ERG: variants seen among roughly 807,000 people sequenced by gnomAD.
ERG encodes ETS transcription factor ERG.
A neutral mutation model predicts 55.3 loss-of-function variants in ERG; 9 were observed. The ratio of observed to expected loss-of-function variants is 0.16; its 90% CI spans 0.10 to 0.28. The LOEUF (loss-of-function observed/expected upper bound fraction) is 0.28, where lower values mean the gene tolerates loss of function less well. Among genes scored for constraint, ERG ranks in the 10% least tolerant of loss-of-function variants. The probability of loss-of-function intolerance (pLI) is 1.00; values close to 1 mark genes in which losing one functional copy is unlikely to be tolerated. For synonymous variants in ERG, 223 were observed against 237.3 expected, an observed-to-expected ratio of 0.94 and a Z score of 0.55; for missense variants, 434 against 631.6, an observed-to-expected ratio of 0.69 and a Z score of 3.35.
chr21:38,453,882 C>CAA (rs3065380), intron 1 of ERG, among the ~76,000 whole-genome samples: 58,731 of 129,632 alleles, frequency 0.45, 13,602 homozygotes, highest in Middle Eastern at 0.5. Flanking sequence ...AAAACTCCAT[C>CAA]AAAAAAAAAA....
intron 1 of ERG, among the ~76,000 whole-genome samples, chr21:38,478,619 C>T (rs1318432472): frequency 6.6e-6 from 1 of 152,208 alleles, no homozygotes; most frequent in Admixed American, 6.5e-5. Context: ...GACAATCTTG[C>T]AGAGCCCTCA....
chr21:38,490,662 ATGGTCACTG>A (rs1319730359), intron 1 of ERG, among the ~76,000 whole-genome samples: 1 of 152,192 alleles, frequency 6.6e-6, no homozygotes, highest in Admixed American at 6.5e-5. Flanking sequence ...CAGTCAGCAG[ATGGTCACTG>A]TGGAGAAGGC....
intron 1 of ERG, among the ~76,000 whole-genome samples, chr21:38,648,179 C>T (rs937679248): frequency 6.6e-6 from 1 of 152,168 alleles, no homozygotes; most frequent in Non-Finnish European, 1.5e-5. Flanking sequence ...TATTTAATCT[C>T]GCTTCCTTTG....
At chr21:38,466,469 T>C (rs1187719962) in intron 1 of ERG, among the ~76,000 whole-genome samples, 1 of 152,150 alleles carries the variant, frequency 6.6e-6, no homozygotes, top group Non-Finnish European at 1.5e-5. Flanking sequence ...AAAGTACAGT[T>C]TGTTTCACAT....
intron 2 of ERG, among the ~76,000 whole-genome samples, chr21:38,547,500 T>A (rs1028655124): frequency 6.6e-6 from 1 of 152,096 alleles, no homozygotes; most frequent in Non-Finnish European, 1.5e-5. Context: ...TGGGAGAGAT[T>A]TATTTAATGG....
chr21:38,403,769 T>TCTACCCCA, intron 3 of ERG, 60 bp from the exon 4 acceptor site: 1 of 1,487,798 alleles, frequency 6.7e-7, no homozygotes, highest in Non-Finnish European at 9.3e-7. Flanking sequence ...CATCTTGGGG[T>TCTACCCCA]AGATCCCCAT....
At chr21:38,452,886 G>C (rs750991965) in intron 1 of ERG, among the ~76,000 whole-genome samples, 2 of 152,162 alleles carry the variant, frequency 1.3e-5, no homozygotes, top group African/African-American at 2.4e-5. Flanking sequence ...AGCATTTTCA[G>C]GGCTGGCTCC....
chr21:38,533,555 T>G (rs542403399), intron 2 of ERG, among the ~76,000 whole-genome samples: 1 of 152,348 alleles, frequency 6.6e-6, no homozygotes, highest in South Asian at 2.1e-4. Context: ...GCCAGACAAC[T>G]GTATTAAAAT....
chr21:38,480,591 C>CTTTT (rs544037525), intron 1 of ERG, among the ~76,000 whole-genome samples: 3,462 of 50,884 alleles, frequency 0.068, 582 homozygotes, highest in East Asian at 0.16. Flanking sequence ...ACTATATGGC[C>CTTTT]TTTTTTTTTT....
intron 2 of ERG, among the ~76,000 whole-genome samples, chr21:38,567,581 G>C (rs942314959): frequency 6.6e-6 from 1 of 152,154 alleles, no homozygotes; most frequent in Non-Finnish European, 1.5e-5. Flanking sequence ...CAGACTTTGG[G>C]GGCGGGGGAA....
At chr21:38,444,056 C>T (rs913398907) in intron 2 of ERG, among the ~76,000 whole-genome samples, 6 of 152,212 alleles carry the variant, frequency 3.9e-5, no homozygotes, top group African/African-American at 9.7e-5. Flanking sequence ...CCAGCCTTGC[C>T]GTTGACATTC....
intron 2 of ERG, among the ~76,000 whole-genome samples, chr21:38,543,270 T>C (rs917059080): frequency 1.3e-5 from 2 of 152,108 alleles, no homozygotes; most frequent in Admixed American, 1.3e-4. Context: ...TGATTTTAAA[T>C]CTTTATCCCC....
intron 2 of ERG, among the ~76,000 whole-genome samples, chr21:38,548,056 A>T (rs1425357698): frequency 6.6e-6 from 1 of 152,204 alleles, no homozygotes; most frequent in Non-Finnish European, 1.5e-5. Context: ...TTTCTCCAAA[A>T]AAAATTCTCT....
At chr21:38,408,459 G>A (rs1988877390) in intron 3 of ERG, among the ~76,000 whole-genome samples, 1 of 152,176 alleles carries the variant, frequency 6.6e-6, no homozygotes, top group African/African-American at 2.4e-5. Context: ...TCTCACAGAG[G>A]AAACACTTAA....
upstream of ERG, chr21:38,498,485 T>C (rs1387721117): frequency 1.3e-6 from 2 of 1,502,620 alleles, no homozygotes; most frequent in Non-Finnish European, 1.8e-6. This position sits in a 1 kb window ranked among gnomAD's most constrained non-coding sequence, Gnocchi z 4.6. Flanking sequence ...GATGAGATTG[T>C]GCTAAGTCTG....
chr21:38,528,661 G>T, intron 2 of ERG, among the ~76,000 whole-genome samples: 1 of 43,462 alleles, frequency 2.3e-5, no homozygotes, highest in Non-Finnish European at 6.9e-5. Context: ...TGTTAGCCAG[G>T]ATGGTCTCGA....
chr21:38,565,249 TC>T (rs1280895748), intron 2 of ERG, among the ~76,000 whole-genome samples: 4 of 152,186 alleles, frequency 2.6e-5, no homozygotes, highest in Non-Finnish European at 5.9e-5. Context: ...TAATTGGTCT[TC>T]CCTGTTTCAA....
At chr21:38,465,372 A>G (rs1268428610) in intron 1 of ERG, among the ~76,000 whole-genome samples, 1 of 152,222 alleles carries the variant, frequency 6.6e-6, no homozygotes, top group Non-Finnish European at 1.5e-5. Context: ...AGAGATACTG[A>G]AAGATCAGTG....
At chr21:38,575,540 C>A in intron 2 of ERG, 2 of 683,290 alleles carry the variant, frequency 2.9e-6, no homozygotes, top group East Asian at 5.2e-5. Context: ...AAGTAAAAAC[C>A]ATTTTCTTAG....
Sources: allele counts gnomAD v4.1 joint callset (sites outside exome capture counted in the v4.1 genomes callset), GRCh38; gene constraint gnomAD v4.1.1; non-coding constraint Gnocchi (gnomAD v3.1); transcripts MANE v1.5; gene names NCBI Gene and HGNC (gene_info 2026-07-23, HGNC 2026-07-21).